MFAP1: variants seen among roughly 807,000 people sequenced by gnomAD.
MFAP1 encodes microfibrillar-associated protein 1.
In MFAP1, 18 loss-of-function variants were observed where a neutral mutation model predicts 62.2. The ratio of observed to expected loss-of-function variants is 0.29; its 90% CI spans 0.20 to 0.43. MFAP1 has a LOEUF of 0.43. MFAP1 is among the 20% of genes least tolerant of loss of function. The probability of loss-of-function intolerance (pLI) is 1.00; values close to 1 mark genes in which losing one functional copy is unlikely to be tolerated. For synonymous variants in MFAP1, 175 were observed against 180.4 expected (o/e 0.97, Z 0.24); for missense variants, 355 against 559.7 (o/e 0.63, Z 3.69).
chr15:43,817,437 T>C lies in MFAP1; in HGVS notation c.91A>G (p.Met31Val). Residue 31 changes from methionine to valine, a missense_variant, in exon 2 of 9, where the codon ATG becomes GTG. Physicochemically the swap from Met to Val is conservative, Grantham distance 21. This residue lies in a region of MFAP1 where 29 missense variants were observed against 46.0 expected (regional missense o/e 0.63). Coordinates refer to ENST00000267812, the MANE Select transcript of MFAP1 (RefSeq NM_005926.3). Reference protein sequence around the residue: ...PVRNEKGEISMEKVKVKRYVS... With the variant: ...PVRNEKGEISVEKVKVKRYVS... The stretch of plus-strand genomic sequence containing the variant: ...TAACGCTTTACCTTCACTTTTTCCA[T>C]TGAAATCTCACCTGGGCGAGAAAGG... 6.2e-7 allele frequency: 1 copy of C among 1,614,168 alleles called. No individual in the cohort carries two copies. Among genetic ancestry groups the C allele is most frequent in the Non-Finnish European group, 8.5e-7 (1 of 1,180,034 alleles).
intron 4 of MFAP1, 93 bp from the exon 5 acceptor site, chr15:43,813,450 C>T: frequency 4.2e-6 from 5 of 1,182,832 alleles, no homozygotes; most frequent in Non-Finnish European, 5.9e-6. Context: ...AGACAAAAAC[C>T]AAACAATCTT....
At chr15:43,821,709 C>T (rs1228370322) in intron 1 of MFAP1, among the ~76,000 whole-genome samples, 1 of 152,132 alleles carries the variant, frequency 6.6e-6, no homozygotes, top group African/African-American at 2.4e-5. Context: ...AAAAACTTAT[C>T]TTAAATATTT....
At chr15:43,821,422 T>C (rs975252322) in intron 1 of MFAP1, among the ~76,000 whole-genome samples, 1 of 144,892 alleles carries the variant, frequency 6.9e-6, no homozygotes, top group Non-Finnish European at 1.5e-5. Context: ...GCCAAGACAA[T>C]GCTGAAGAAG....
Position 43,811,541 on chromosome 15 carries a change from TCTGTCACCTAGG to T in MFAP1, c.887+1434_887+1445del, listed in dbSNP as rs1289358611. On this transcript the variant is annotated intron_variant, in intron 6 of 8. Coordinates refer to ENST00000267812, the MANE Select transcript of MFAP1 (RefSeq NM_005926.3). ...TTTTTTTTTCCAGATAGAGTCTCAC[TCTGTCACCTAGG>T]CTGGAGTGCAGTGGCACGATCTCAG... Among the ~76,000 whole-genome samples the T allele has an allele frequency of 2.7e-5, 4 of 149,380 alleles. No homozygotes were observed. In the East Asian group the frequency reaches 6.1e-4, roughly 23 times the overall value.
intron 7 of MFAP1, among the ~76,000 whole-genome samples, chr15:43,805,773 C>T (rs982522280): frequency 5.3e-5 from 8 of 151,724 alleles, no homozygotes; most frequent in Admixed American, 2.0e-4. Flanking sequence ...CCACCACACT[C>T]GGCTAATTTT....
chr15:43,819,420 G>A (rs2087453817), intron 1 of MFAP1, among the ~76,000 whole-genome samples: 1 of 152,130 alleles, frequency 6.6e-6, no homozygotes, highest in Admixed American at 6.6e-5. Flanking sequence ...AGGATTACAG[G>A]TGTGAGCCAT....
At chr15:43,817,055 A>G (rs1244544555) in intron 2 of MFAP1, among the ~76,000 whole-genome samples, 174 bp downstream of exon 2, 1 of 152,104 alleles carries the variant, frequency 6.6e-6, no homozygotes, top group Non-Finnish European at 1.5e-5. Context: ...TTGTGCTCTT[A>G]GTTTCCTCCT....
chr15:43,824,444 C>T, intron 1 of MFAP1, 47 bp downstream of exon 1: 1 of 1,600,494 alleles, frequency 6.2e-7, no homozygotes, highest in Non-Finnish European at 8.6e-7. Flanking sequence ...GTTGCTGGGG[C>T]CGGAAGGGGT....
intron 6 of MFAP1, chr15:43,810,253 A>G (rs1401108395): frequency 4.6e-6 from 1 of 218,258 alleles, no homozygotes; most frequent in African/African-American, 2.3e-5. Context: ...ATTTAAAATA[A>G]GTGTCTGAGG....
intron 4 of MFAP1, among the ~76,000 whole-genome samples, chr15:43,814,163 C>A (rs978884727): frequency 1.1e-4 from 17 of 152,088 alleles, no homozygotes; most frequent in Admixed American, 4.6e-4. Flanking sequence ...AGAGGCAGAA[C>A]TGCTTGAAAC....
chr15:43,806,814 G>GC (rs1476004249), intron 7 of MFAP1, among the ~76,000 whole-genome samples: 2 of 152,324 alleles, frequency 1.3e-5, no homozygotes, highest in Admixed American at 1.3e-4. Flanking sequence ...GGAGGTTGCA[G>GC]TGAGCTGAGA....
rs770189123 is a variant in MFAP1, at chr15:43,809,882, A to G, written c.920T>C (p.Met307Thr). The G allele has an allele frequency of 1.9e-6, 3 of 1,614,186 alleles. No homozygotes were observed. The highest frequency in any genetic ancestry group is 1.7e-5 in the Admixed American group (1 of 60,020). The change falls in exon 7 of 9, where the codon ATG becomes ACG. Residue 307 changes from methionine (M) to threonine (T), a missense_variant. Transcript: ENST00000267812. ...CCTCTCTTCCTCAGTCAGGTTTCGC[A>G]TGCGTTCAATTTCTGCTTTCTCCTT... ...LEKEKAEIER[M>T]RNLTEEERRA...
intron 4 of MFAP1, 58 bp from the exon 5 acceptor site, chr15:43,813,415 C>T (rs2087415384): frequency 2.7e-6 from 4 of 1,503,730 alleles, no homozygotes; most frequent in Non-Finnish European, 2.7e-6. Flanking sequence ...TGCTTTGTTC[C>T]CCTAGACCTA....
intron 1 of MFAP1, among the ~76,000 whole-genome samples, 185 bp downstream of exon 1, chr15:43,824,306 G>A (rs2087485252): frequency 6.6e-6 from 1 of 152,022 alleles, no homozygotes; most frequent in South Asian, 2.1e-4. Context: ...GGTGCTTGCT[G>A]AATACGAGAG....
intron 2 of MFAP1, 126 bp downstream of exon 2, chr15:43,817,103 T>C: frequency 1.0e-6 from 1 of 970,770 alleles, no homozygotes; most frequent in African/African-American, 1.6e-5. Context: ...TTTCATAAAG[T>C]TATTGTATGG....
Position 43,813,370 on chromosome 15 carries a change from G to A in MFAP1, c.618-13C>T. ...CACTCGGTCCTTCCTGCATCACAGAGATCCTGTTAATTGCCCAAAGTCCTT... is the reference window on the plus strand; with the variant it reads ...CACTCGGTCCTTCCTGCATCACAGAAATCCTGTTAATTGCCCAAAGTCCTT... On this transcript the variant is annotated splice_polypyrimidine_tract_variant and intron_variant, in intron 4 of 8. Transcript: ENST00000267812. The A allele has an allele frequency of 5.0e-6, 8 of 1,598,624 alleles. No homozygotes were observed. The highest frequency in any genetic ancestry group is 6.0e-6 in the Non-Finnish European group (7 of 1,175,926).
intron 4 of MFAP1, 151 bp from the exon 5 acceptor site, chr15:43,813,508 C>CT (rs10709037): frequency 0.011 from 2,792 of 248,566 alleles, 16 homozygotes; most frequent in African/African-American, 0.022. Flanking sequence ...CATCCCAGGT[C>CT]TTTTTTTTTT....
rs758216692 is a variant in MFAP1, at chr15:43,814,699, A to G, written c.430-11T>C. On this transcript the variant is annotated splice_polypyrimidine_tract_variant and intron_variant, in intron 3 of 8. Transcript: ENST00000267812. The stretch of plus-strand genomic sequence containing the variant: ...CCGCCGCTCTATTTCCTATCAAGTC[A>G]TATATATAAGCCAGTCAGTCAAATG... The G allele has an allele frequency of 2.5e-6, 4 of 1,613,054 alleles. No individual in the cohort carries two copies. Among genetic ancestry groups the G allele is most frequent in the Admixed American group, 1.7e-5 (1 of 59,944 alleles).
intron 7 of MFAP1, 121 bp downstream of exon 7, chr15:43,809,634 G>C: frequency 8.2e-7 from 1 of 1,224,036 alleles, no homozygotes; most frequent in Non-Finnish European, 1.1e-6. Context: ...AAAAGCAAAT[G>C]AGAAAGCTGA....
Sources: allele counts gnomAD v4.1 joint callset (sites outside exome capture counted in the v4.1 genomes callset), GRCh38; gene constraint gnomAD v4.1.1; regional missense constraint gnomAD v4.1.1; transcripts MANE v1.5; gene names NCBI Gene and HGNC (gene_info 2026-07-23, HGNC 2026-07-21).